Variants in ROBO2 observed in about 807,000 individuals in gnomAD.
ROBO2 encodes the protein roundabout guidance receptor 2, also known as roundabout homolog 2.
A neutral mutation model predicts 160.8 loss-of-function variants in ROBO2; 53 were observed. The observed-to-expected ratio is 0.33, with a 90% confidence interval of 0.26 to 0.41. The LOEUF is 0.41. Ranked by LOEUF, ROBO2 falls within the 10% of genes least tolerant of loss-of-function variation. ROBO2 has a pLI of 1.00. For missense variants in ROBO2, 1,577 were observed against 1,722.4 expected, an observed-to-expected ratio of 0.92 and a Z score of 1.49; for synonymous variants, 664 against 611.7, an observed-to-expected ratio of 1.09 and a Z score of -1.26.
At position 77,092,368 on chromosome 3, in the gene ROBO2, T is replaced by C. The variant is rs572768393; in HGVS notation, c.62-5646T>C. Among the ~76,000 whole-genome samples, 6 of 151,936 alleles carry C rather than the reference T, an allele frequency of 3.9e-5. No homozygotes were observed. In the South Asian group the frequency reaches 1.2e-3, roughly 32 times the overall value. On this transcript the variant is annotated intron_variant, in intron 1 of 25. Coordinates refer to ENST00000461745, the Ensembl canonical transcript of ROBO2. The stretch of plus-strand genomic sequence containing the variant: ...TCATTTCTAAAGAAGCCTGGCACAT[T>C]TTGGATTAAAGGTCATGAGTTCTAA...
chr3:76,931,495 T>A (rs1403620569), intron 2 of ROBO2, among the ~76,000 whole-genome samples: 1 of 151,998 alleles, frequency 6.6e-6, no homozygotes, highest in African/African-American at 2.4e-5. Context: ...TTTAATTATC[T>A]ATTTATGCTA....
intron 2 of ROBO2, among the ~76,000 whole-genome samples, chr3:77,417,334 C>A (rs2077336379): frequency 6.6e-6 from 1 of 151,086 alleles, no homozygotes. Context: ...GCAATCAATC[C>A]TTTGATAAAG....
At chr3:77,280,063 T>G (rs1191764969) in intron 2 of ROBO2, among the ~76,000 whole-genome samples, 2 of 152,154 alleles carry the variant, frequency 1.3e-5, no homozygotes, top group Non-Finnish European at 1.5e-5. Context: ...TTATCAGATA[T>G]GATCTCAGAC....
chr3:76,071,202 G>A (rs1224330707), intron 2 of ROBO2, among the ~76,000 whole-genome samples: 2 of 152,098 alleles, frequency 1.3e-5, no homozygotes, highest in Admixed American at 1.3e-4. Flanking sequence ...GTTTATGTCA[G>A]GTTGCTTAAT....
At chr3:76,694,683 A>C (rs1372511149) in intron 2 of ROBO2, among the ~76,000 whole-genome samples, 1 of 152,154 alleles carries the variant, frequency 6.6e-6, no homozygotes, top group East Asian at 1.9e-4. Flanking sequence ...CAACTCAGTA[A>C]ACATAAACTT....
At chr3:77,410,687 TTCCTCCTCCTCTTCCTCC>T (rs1560758577) in intron 2 of ROBO2, among the ~76,000 whole-genome samples, 1 of 72,202 alleles carries the variant, frequency 1.4e-5, no homozygotes, top group South Asian at 5.3e-4. Context: ...CCTCCTCCTC[TTCCTCCTCCTCTTCCTCC>T]TCCTCCTCCT....
chr3:75,965,366 C>T (rs895996744), intron 2 of ROBO2, among the ~76,000 whole-genome samples: 8 of 9,170 alleles, frequency 8.7e-4, no homozygotes, highest in Non-Finnish European at 4.4e-3. Context: ...TGTTTCTTTA[C>T]GAATGGATGT....
intron 2 of ROBO2, among the ~76,000 whole-genome samples, chr3:76,859,385 AG>A (rs1437776016): frequency 6.6e-6 from 1 of 152,192 alleles, no homozygotes; most frequent in Non-Finnish European, 1.5e-5. Context: ...CAGCTCACAT[AG>A]GATGGCTTGG....
chr3:77,050,371 A>G (rs1262417241), intron 1 of ROBO2, among the ~76,000 whole-genome samples: 1 of 152,160 alleles, frequency 6.6e-6, no homozygotes, highest in Non-Finnish European at 1.5e-5. Context: ...ACAACAAGCT[A>G]TTACTCAAAC....
chr3:77,255,956 T>G (rs929387205), intron 2 of ROBO2, among the ~76,000 whole-genome samples: 1 of 152,206 alleles, frequency 6.6e-6, no homozygotes, highest in Non-Finnish European at 1.5e-5. Flanking sequence ...ATGGGTTACT[T>G]CCGCTTATAC....
intron 2 of ROBO2, among the ~76,000 whole-genome samples, chr3:76,843,584 A>G (rs182176994): frequency 6.6e-6 from 1 of 152,026 alleles, no homozygotes; most frequent in African/African-American, 2.4e-5. Context: ...TGATTTTTAC[A>G]TCAAAACTTT....
chr3:76,909,783 T>C (rs2075850805), intron 2 of ROBO2, among the ~76,000 whole-genome samples: 1 of 152,194 alleles, frequency 6.6e-6, no homozygotes, highest in Non-Finnish European at 1.5e-5. Context: ...TGTAAAACTT[T>C]CAGTTAATCT....
chr3:76,030,027 G>A (rs1179213764), intron 2 of ROBO2, among the ~76,000 whole-genome samples: 1 of 152,126 alleles, frequency 6.6e-6, no homozygotes, highest in Admixed American at 6.5e-5. Flanking sequence ...TCCAGCACCT[G>A]TTGTTTCCTG....
In ROBO2 at chr3:77,113,549, T is replaced by C. The variant is rs577297190; in HGVS notation, c.388+15209T>C. Among the ~76,000 whole-genome samples the C allele has an allele frequency of 3.9e-5, 6 of 152,330 alleles. No individual in the cohort carries two copies. In the East Asian group the frequency reaches 1.2e-3, roughly 29 times the overall value. ...ACATTATAAGGAAAAGCTTTACTAA[T>C]GAAGTACCCAATGGCAATAACCCAT... On this transcript the variant is annotated intron_variant, in intron 2 of 25. Coordinates refer to ENST00000461745, the Ensembl canonical transcript of ROBO2.
intron 2 of ROBO2, among the ~76,000 whole-genome samples, chr3:77,298,198 G>A (rs763971054): frequency 2.0e-5 from 3 of 152,124 alleles, no homozygotes; most frequent in African/African-American, 4.8e-5. Context: ...ATATTCACAC[G>A]AAGTCTGAAA....
intron 2 of ROBO2, among the ~76,000 whole-genome samples, chr3:76,185,215 T>TATATAGATAGATATATATATATATAC: frequency 3.3e-5 from 3 of 90,312 alleles, no homozygotes; most frequent in Non-Finnish European, 4.6e-5. Flanking sequence ...TATATATATA[T>TATATAGATAGATATATATATATATAC]ACACACACAA....
chr3:76,680,087 A>G (rs796107368), intron 2 of ROBO2, among the ~76,000 whole-genome samples: 17 of 152,254 alleles, frequency 1.1e-4, no homozygotes, highest in African/African-American at 3.9e-4. Flanking sequence ...AGATGATTAG[A>G]AATCTTAAAT....
chr3:76,556,405 T>C (rs2083792844), intron 2 of ROBO2, among the ~76,000 whole-genome samples: 1 of 152,146 alleles, frequency 6.6e-6, no homozygotes, highest in Non-Finnish European at 1.5e-5. Flanking sequence ...AATACTAATA[T>C]ATTGCTCTGC....
At chr3:76,964,647 G>A (rs754526529) in intron 2 of ROBO2, among the ~76,000 whole-genome samples, 1 of 152,156 alleles carries the variant, frequency 6.6e-6, no homozygotes, top group African/African-American at 2.4e-5. Context: ...AGTTGTTAGC[G>A]AAGTAAAATA....
Sources: allele counts gnomAD v4.1 joint callset (sites outside exome capture counted in the v4.1 genomes callset), GRCh38; gene constraint gnomAD v4.1.1; transcripts MANE v1.5; gene names NCBI Gene and HGNC (gene_info 2026-07-23, HGNC 2026-07-21).